RUNX1: variants seen among roughly 807,000 people sequenced by gnomAD.
RUNX1 encodes runt-related transcription factor 1.
Under a neutral mutation model 42.8 loss-of-function variants are expected in RUNX1, and 19 were observed. The ratio of observed to expected loss-of-function variants is 0.44; its 90% confidence interval spans 0.31 to 0.65. RUNX1 has a LOEUF of 0.65. RUNX1 is among the 30% of genes least tolerant of loss of function. The probability of loss-of-function intolerance (pLI) is 0.07; values close to 1 mark genes in which losing one functional copy is unlikely to be tolerated. For missense variants in RUNX1, 528 were observed against 672.0 expected, an observed-to-expected ratio of 0.79 and a Z score of 2.37; for synonymous variants, 271 against 289.4, an observed-to-expected ratio of 0.94 and a Z score of 0.64.
At chr21:34,817,589 A>G (rs184730264) in intron 7 of RUNX1, among the ~76,000 whole-genome samples, 2 of 152,214 alleles carry the variant, frequency 1.3e-5, no homozygotes, top group Admixed American at 1.3e-4. Context: ...TCACAAACAG[A>G]GCTGGGAGAT....
intron 2 of RUNX1, chr21:35,038,303 T>C (rs1368906646): frequency 6.2e-6 from 2 of 321,816 alleles, no homozygotes; most frequent in Non-Finnish European, 1.2e-5. Context: ...ATCTTCCTCC[T>C]GGCCTCCCTA....
At chr21:35,047,624 C>T (rs572620137) in intron 2 of RUNX1, among the ~76,000 whole-genome samples, 1 of 148,522 alleles carries the variant, frequency 6.7e-6, no homozygotes, top group Admixed American at 6.8e-5. Flanking sequence ...TTCAGGGACC[C>T]GGAAACATAC....
chr21:35,029,962 A>T (rs1015617521), intron 2 of RUNX1, among the ~76,000 whole-genome samples: 1 of 152,170 alleles, frequency 6.6e-6, no homozygotes, highest in African/African-American at 2.4e-5. Context: ...AGTCCCCTCT[A>T]TCCCTTGAGT....
chr21:34,861,102 T>G (rs1277888437), intron 5 of RUNX1, among the ~76,000 whole-genome samples: 1 of 152,194 alleles, frequency 6.6e-6, no homozygotes, highest in Non-Finnish European at 1.5e-5. Context: ...TGCCTCCAAA[T>G]CCATCTTTCC....
At position 35,047,873 on chromosome 21, in the gene RUNX1, C is replaced by A. The variant is rs138712577; in HGVS notation, c.58+969G>T. 3.2e-3 allele frequency among the ~76,000 whole-genome samples: 494 copies of A among 152,324 alleles called. 5 individuals are homozygous for A. Among genetic ancestry groups the A allele is most frequent in the African/African-American group, 0.011 (469 of 41,582 alleles). ...GTCAGAGTGCGTGCCCCGACGCACA[C>A]GGCAATGCCTTTGAGACATTTTATG... On this transcript the variant is annotated intron_variant, in intron 2 of 8. Coordinates refer to ENST00000675419, the MANE Select transcript of RUNX1 (RefSeq NM_001754.5).
chr21:34,842,256 G>A (rs1052423331), intron 6 of RUNX1, among the ~76,000 whole-genome samples: 10 of 152,090 alleles, frequency 6.6e-5, no homozygotes, highest in African/African-American at 1.9e-4. Flanking sequence ...ACTCTGGGAG[G>A]CCGACACAGG....
At position 34,792,162 on chromosome 21, in the gene RUNX1, CAGGCGCGCGG is replaced by C. The variant is rs1569001468; in HGVS notation, c.1406_1415del (p.Ser469TrpfsTer122). ...AGTAGGGCCTCCACACGGCCTCCTCCAGGCGCGCGGAGGGCGCCATGTTGGTGGGGGAGTT... is the reference window on the plus strand; with the variant it reads ...AGTAGGGCCTCCACACGGCCTCCTCCAGGGCGCCATGTTGGTGGGGGAGTT... On this transcript the variant is annotated frameshift_variant, in exon 9 of 9. Transcript: ENST00000675419. LOFTEE classifies it high-confidence loss of function. This position sits in a 1 kb window ranked among gnomAD's most constrained non-coding sequence, Gnocchi z 6.9. The C allele has an allele frequency of 6.6e-7, 1 of 1,515,964 alleles. No homozygotes were observed. The highest frequency in any genetic ancestry group is 8.8e-7 in the Non-Finnish European group (1 of 1,139,020). 93.9% of individuals were successfully genotyped at this position (1,515,964 alleles called of 1,614,324 possible).
chr21:34,975,697 G>C (rs543658518), intron 2 of RUNX1, among the ~76,000 whole-genome samples: 9 of 152,170 alleles, frequency 5.9e-5, no homozygotes, highest in African/African-American at 2.2e-4. Context: ...GGGAGAGAAG[G>C]CTTCTAGCTA....
At chr21:34,986,139 G>A (rs1282610442) in intron 2 of RUNX1, among the ~76,000 whole-genome samples, 1 of 152,036 alleles carries the variant, frequency 6.6e-6, no homozygotes, top group African/African-American at 2.4e-5. Flanking sequence ...AAAATGCTGG[G>A]ATTTCAGGTA....
chr21:34,793,853 G>A (rs544802435), intron 8 of RUNX1, among the ~76,000 whole-genome samples: 17 of 151,650 alleles, frequency 1.1e-4, no homozygotes, highest in African/African-American at 1.9e-4. Flanking sequence ...ACAGGCGCCC[G>A]CCACCAGGCC....
chr21:34,852,048 G>A (rs531082387), intron 6 of RUNX1, among the ~76,000 whole-genome samples: 37 of 152,208 alleles, frequency 2.4e-4, no homozygotes, highest in Non-Finnish European at 4.1e-4. Flanking sequence ...CACACCTGTA[G>A]TCCCAGCTAC....
intron 5 of RUNX1, among the ~76,000 whole-genome samples, chr21:34,867,186 C>T (rs2146281577): frequency 6.6e-6 from 1 of 152,018 alleles, no homozygotes; most frequent in South Asian, 2.1e-4. Context: ...CACTAGAGCT[C>T]AGGAGTTCAA....
chr21:34,956,512 A>G (rs1004731772), intron 2 of RUNX1, among the ~76,000 whole-genome samples: 3 of 152,166 alleles, frequency 2.0e-5, no homozygotes, highest in Non-Finnish European at 4.4e-5. Context: ...AGATACAACC[A>G]CTGAAATAAA....
Position 34,907,950 on chromosome 21 carries a change from C to T in RUNX1, c.59-14987G>A, listed in dbSNP as rs2058237424. ...AAAGGAGGCTCTGAAAAGTGAGTGG[C>T]TCTTCTAAGCTCCCGAAACAGTGGC... On this transcript the variant is annotated intron_variant, in intron 2 of 8. Coordinates refer to ENST00000675419, the MANE Select transcript of RUNX1 (RefSeq NM_001754.5). The surrounding 1 kb of genome is among the most constrained non-coding windows in gnomAD (Gnocchi z 5.3). Among the ~76,000 whole-genome samples, 1 of 152,134 alleles carries T rather than the reference C, an allele frequency of 6.6e-6. No individual in the cohort carries two copies. Among genetic ancestry groups the T allele is most frequent in the South Asian group, 2.1e-4 (1 of 4,822 alleles).
chr21:34,971,091 G>A (rs1396304644), intron 2 of RUNX1, among the ~76,000 whole-genome samples: 1 of 152,162 alleles, frequency 6.6e-6, no homozygotes, highest in Non-Finnish European at 1.5e-5. Flanking sequence ...GCTCAGGGAG[G>A]TCGAAGAATG....
chr21:34,792,740 C>T lies in RUNX1; in HGVS notation c.968-130G>A. ...GGATGGGAAGCCACCCAGGATGCTA[C>T]TGCTGGGGAGGACGGGGACCACCCG... is the stretch of plus-strand genomic sequence containing the variant. On this transcript the variant is annotated intron_variant, in intron 8 of 8. Transcript: ENST00000675419. This position sits in a 1 kb window ranked among gnomAD's most constrained non-coding sequence, Gnocchi z 6.9. The T allele has an allele frequency of 1.1e-6, 1 of 913,494 alleles. No individual in the cohort carries two copies. Among genetic ancestry groups the T allele is most frequent in the Non-Finnish European group, 1.6e-6 (1 of 620,068 alleles). 56.6% of individuals were successfully genotyped at this position (913,494 alleles called of 1,614,324 possible).
At chr21:34,846,010 T>A (rs2057309064) in intron 6 of RUNX1, among the ~76,000 whole-genome samples, 1 of 152,066 alleles carries the variant, frequency 6.6e-6, no homozygotes, top group Non-Finnish European at 1.5e-5. Flanking sequence ...CCCATAATAC[T>A]GTGAGGAGGC....
At chr21:34,867,093 TAAAGA>T (rs1049277643) in intron 5 of RUNX1, among the ~76,000 whole-genome samples, 10 of 151,870 alleles carry the variant, frequency 6.6e-5, no homozygotes, top group African/African-American at 2.4e-4. Flanking sequence ...TCTGAGGCAA[TAAAGA>T]AAAGTTTGAT....
intron 2 of RUNX1, among the ~76,000 whole-genome samples, chr21:34,908,935 CTGTG>C (rs574417905): frequency 6.6e-6 from 1 of 151,266 alleles, no homozygotes; most frequent in Admixed American, 6.6e-5. Flanking sequence ...GCTGGTGTGT[CTGTG>C]TGTGTGTGTC....
Sources: gnomAD v4.1 joint callset for allele counts (sites outside exome capture counted in the v4.1 genomes callset) on GRCh38, gnomAD v4.1.1 for gene constraint, Gnocchi (gnomAD v3.1) non-coding constraint, MANE v1.5 for transcripts, NCBI Gene and HGNC (gene_info 2026-07-23, HGNC 2026-07-21) for gene names.